Variants in TMCC1 observed in about 807,000 individuals in gnomAD.
TMCC1 encodes transmembrane and coiled-coil domain family 1.
TMCC1 carries 15 observed loss-of-function variants against 52.4 expected under a neutral mutation model. The ratio of observed to expected loss-of-function variants is 0.29; its 90% CI spans 0.19 to 0.44. The LOEUF (loss-of-function observed/expected upper bound fraction) is 0.44, where lower values mean the gene tolerates loss of function less well. Ranked by LOEUF, TMCC1 falls within the 20% of genes least tolerant of loss-of-function variation. TMCC1 has a pLI of 1.00. For synonymous variants in TMCC1, 279 were observed against 301.9 expected (o/e 0.92, Z 0.79); for missense variants, 503 against 806.0 (o/e 0.62, Z 4.55).
chr3:129,822,989 C>A (rs1455917564), intron 4 of TMCC1, among the ~76,000 whole-genome samples: 1 of 152,104 alleles, frequency 6.6e-6, no homozygotes, highest in Admixed American at 6.6e-5. Flanking sequence ...TAAGATGTTA[C>A]TATGACAAAA....
chr3:129,871,257 G>T (rs1488792398), intron 2 of TMCC1, among the ~76,000 whole-genome samples: 2 of 151,720 alleles, frequency 1.3e-5, no homozygotes, highest in African/African-American at 4.8e-5. Context: ...TACTTGGGAG[G>T]GTGAGGCAGG....
chr3:129,672,883 C>T (rs2088078040), intron 4 of TMCC1, among the ~76,000 whole-genome samples: 1 of 151,910 alleles, frequency 6.6e-6, no homozygotes, highest in African/African-American at 2.4e-5. Context: ...TTTTTTTCAT[C>T]TGGGATGTAT....
At chr3:129,729,861 G>C (rs2050403511) in intron 4 of TMCC1, among the ~76,000 whole-genome samples, 2 of 152,096 alleles carry the variant, frequency 1.3e-5, no homozygotes, top group African/African-American at 4.8e-5. Context: ...TGTAATCCCA[G>C]CACTTTAGGA....
intron 5 of TMCC1, among the ~76,000 whole-genome samples, chr3:129,670,102 G>A (rs1223068750): frequency 6.6e-6 from 1 of 152,184 alleles, no homozygotes; most frequent in Non-Finnish European, 1.5e-5. Flanking sequence ...ATAAATAGGT[G>A]AAATACTTTA....
At chr3:129,736,201 G>C (rs961140483) in intron 4 of TMCC1, among the ~76,000 whole-genome samples, 10 of 152,178 alleles carry the variant, frequency 6.6e-5, no homozygotes, top group Admixed American at 5.9e-4. Context: ...GGATGAGCAA[G>C]TGATCACCAT....
intron 6 of TMCC1, among the ~76,000 whole-genome samples, chr3:129,652,839 T>C (rs2086426872): frequency 6.6e-6 from 1 of 152,236 alleles, no homozygotes; most frequent in East Asian, 1.9e-4. Flanking sequence ...CAATGTATAC[T>C]TTCCATGTGT....
At chr3:129,889,939 ATAAAC>A (rs1247491079) in intron 1 of TMCC1, among the ~76,000 whole-genome samples, 1 of 119,274 alleles carries the variant, frequency 8.4e-6, no homozygotes, top group East Asian at 3.0e-4. Context: ...AAAAAAAAGA[ATAAAC>A]TAAGCTCACA....
chr3:129,684,386 A>C (rs570057074), intron 4 of TMCC1, among the ~76,000 whole-genome samples: 1 of 152,354 alleles, frequency 6.6e-6, no homozygotes, highest in South Asian at 2.1e-4. Context: ...ATGCATTTCT[A>C]TACTCTGTTG....
At chr3:129,855,738 A>C (rs2060121692) in intron 2 of TMCC1, among the ~76,000 whole-genome samples, 1 of 152,220 alleles carries the variant, frequency 6.6e-6, no homozygotes, top group Admixed American at 6.5e-5. Flanking sequence ...GTTGCCTAGG[A>C]ATATTGCCCA....
intron 4 of TMCC1, among the ~76,000 whole-genome samples, chr3:129,726,290 T>C (rs1393202910): frequency 6.6e-6 from 1 of 152,212 alleles, no homozygotes. Context: ...ATATGGGACA[T>C]TTAGGGATAC....
chr3:129,678,238 A>G (rs2088635161), intron 4 of TMCC1, among the ~76,000 whole-genome samples: 1 of 150,530 alleles, frequency 6.6e-6, no homozygotes, highest in Non-Finnish European at 1.5e-5. Context: ...TTTTTTTCTC[A>G]TATACCTTAT....
At chr3:129,887,200 C>T (rs1411879526) in intron 1 of TMCC1, among the ~76,000 whole-genome samples, 3 of 151,576 alleles carry the variant, frequency 2.0e-5, no homozygotes, top group Admixed American at 6.6e-5. Flanking sequence ...TGGTTAACTA[C>T]ATATTTCAAA....
chr3:129,760,099 A>G (rs2053403492), intron 4 of TMCC1, among the ~76,000 whole-genome samples: 1 of 152,152 alleles, frequency 6.6e-6, no homozygotes, highest in Non-Finnish European at 1.5e-5. Context: ...GAGATAATGC[A>G]GAGTTCCCTT....
At chr3:129,801,218 T>C (rs1242643648) in intron 4 of TMCC1, among the ~76,000 whole-genome samples, 1 of 152,104 alleles carries the variant, frequency 6.6e-6, no homozygotes, top group Non-Finnish European at 1.5e-5. Flanking sequence ...TGAGCCACCA[T>C]GGCCAGCCTA....
At chr3:129,784,317 G>A (rs1045019564) in intron 4 of TMCC1, among the ~76,000 whole-genome samples, 49 of 152,228 alleles carry the variant, frequency 3.2e-4, no homozygotes, top group African/African-American at 8.7e-4. Flanking sequence ...GGTGGCTCGC[G>A]CCTGTAATCC....
intron 4 of TMCC1, among the ~76,000 whole-genome samples, chr3:129,732,113 C>T (rs529626441): frequency 6.6e-6 from 1 of 152,266 alleles, no homozygotes; most frequent in African/African-American, 2.4e-5. Context: ...CCTTGCTAAC[C>T]TCACTTAGTT....
intron 5 of TMCC1, among the ~76,000 whole-genome samples, chr3:129,668,774 C>T (rs993174918): frequency 9.9e-5 from 15 of 152,062 alleles, no homozygotes; most frequent in African/African-American, 3.1e-4. Context: ...TACAGGCATG[C>T]GCCACCATGC....
intron 4 of TMCC1, among the ~76,000 whole-genome samples, chr3:129,676,533 A>G (rs961168677): frequency 3.9e-5 from 6 of 152,230 alleles, no homozygotes; most frequent in Non-Finnish European, 7.3e-5. Context: ...AAACAGCAAC[A>G]CCTCAACATA....
At chr3:129,884,306 A>G (rs1156510890) in intron 1 of TMCC1, among the ~76,000 whole-genome samples, 1 of 152,158 alleles carries the variant, frequency 6.6e-6, no homozygotes, top group African/African-American at 2.4e-5. Context: ...AATCATTTAC[A>G]TTATTAAAAT....
Sources: allele counts gnomAD v4.1 joint callset (sites outside exome capture counted in the v4.1 genomes callset), GRCh38; gene constraint gnomAD v4.1.1; transcripts MANE v1.5; gene names NCBI Gene and HGNC (gene_info 2026-07-23, HGNC 2026-07-21).